Variants in SHROOM2 observed in about 807,000 individuals in gnomAD.
SHROOM2 encodes protein Shroom2.
In SHROOM2, 33 loss-of-function variants were observed where a neutral mutation model predicts 75.9. The observed-to-expected ratio is 0.43, with a 90% CI of 0.33 to 0.58. SHROOM2 has a LOEUF of 0.58. SHROOM2 is among the 20% of genes least tolerant of loss of function. The pLI is 0.04. For synonymous variants in SHROOM2, 655 were observed against 663.6 expected (o/e 0.99, Z 0.20); for missense variants, 1,434 against 1,461.2 (o/e 0.98, Z 0.30).
intron 6 of SHROOM2, among the ~76,000 whole-genome samples, chrX:9,936,041 C>G (rs919475842): frequency 1.6e-4 from 18 of 111,266 alleles, no homozygotes; most frequent in African/African-American, 5.2e-4. Flanking sequence ...CTCCTGTTCT[C>G]TCTCCCCCAG....
chrX:9,831,892 C>T (rs1173530845), intron 1 of SHROOM2, among the ~76,000 whole-genome samples: 2 of 110,302 alleles, frequency 1.8e-5, no homozygotes, highest in Non-Finnish European at 3.8e-5. Flanking sequence ...TAATCACCTC[C>T]CAAAGGCCCC....
intron 7 of SHROOM2, among the ~76,000 whole-genome samples, chrX:9,938,409 C>T (rs1269955450): frequency 9.1e-6 from 1 of 110,122 alleles, no homozygotes. Context: ...AAAAATTAGC[C>T]AGGCGTGGTG....
intron 1 of SHROOM2, among the ~76,000 whole-genome samples, chrX:9,837,059 C>A (rs2083950210): frequency 8.9e-6 from 1 of 112,629 alleles, no homozygotes; most frequent in Non-Finnish European, 1.9e-5. Context: ...CCATTCCCTT[C>A]CGGTGCCAAG....
Position 9,944,896 on chromosome X carries a change from G to A in SHROOM2, c.4567G>A (p.Ala1523Thr), listed in dbSNP as rs146420450. The A allele has an allele frequency of 4.2e-5, 50 of 1,202,056 alleles. No individual in the cohort carries two copies. Among genetic ancestry groups the A allele is most frequent in the South Asian group, 7.2e-5 (4 of 55,510 alleles). Residue 1523 changes from alanine to threonine, a missense_variant, in exon 9 of 10, where the codon GCT becomes ACT. By Grantham distance (58) the Ala-to-Thr change is moderately conservative. Coordinates refer to ENST00000380913, the MANE Select transcript of SHROOM2 (RefSeq NM_001649.4). ...TGCCCTCAATAATTTGGACGACGGC[G>A]CTTCTCCCGGTGATCGGGTAAATGC... ...ENALNNLDDGASPGDRQSLLE... is the reference protein window; with the variant it reads ...ENALNNLDDGTSPGDRQSLLE...
chrX:9,799,742 C>T (rs2083714243), intron 1 of SHROOM2, among the ~76,000 whole-genome samples: 2 of 110,396 alleles, frequency 1.8e-5, no homozygotes. Context: ...AGATAACGTG[C>T]ATCTGTTTGC....
intron 5 of SHROOM2, among the ~76,000 whole-genome samples, chrX:9,910,222 A>G (rs1423555831): frequency 1.8e-5 from 2 of 111,034 alleles, no homozygotes; most frequent in Admixed American, 9.6e-5. Flanking sequence ...GAAGGAGAAC[A>G]TTGATTAAAC....
chrX:9,915,199 C>T (rs975191351), intron 5 of SHROOM2, among the ~76,000 whole-genome samples: 1 of 111,138 alleles, frequency 9.0e-6, no homozygotes, highest in Non-Finnish European at 1.9e-5. Flanking sequence ...TTCCCAGGTC[C>T]CTTCCAGCTG....
At chrX:9,939,122 C>T in intron 7 of SHROOM2, 73 bp from the exon 8 acceptor site, 1 of 982,613 alleles carries the variant, frequency 1.0e-6, no homozygotes, top group Non-Finnish European at 1.4e-6. Context: ...TTTGTCACAA[C>T]CCAGGGGGTG....
At chrX:9,796,166 A>G (rs762745363) in intron 1 of SHROOM2, among the ~76,000 whole-genome samples, 3 of 111,628 alleles carry the variant, frequency 2.7e-5, no homozygotes, top group African/African-American at 9.8e-5. Context: ...TGATTCATTA[A>G]GAATTTGGAA....
chrX:9,914,882 G>A (rs753747324), intron 5 of SHROOM2, among the ~76,000 whole-genome samples: 1 of 111,800 alleles, frequency 8.9e-6, no homozygotes, highest in African/African-American at 3.2e-5. Flanking sequence ...GCTGAATGTA[G>A]AACTGGCCCA....
chrX:9,865,889 C>A (rs1345207642), intron 1 of SHROOM2, among the ~76,000 whole-genome samples: 1 of 109,958 alleles, frequency 9.1e-6, no homozygotes. Context: ...TTCATTTCCA[C>A]TTCTGCAGAA....
rs2084332178 is a variant in SHROOM2, at chrX:9,896,442, C to G, written c.2534C>G (p.Thr845Ser). 1 of 1,211,817 alleles carries G rather than the reference C, an allele frequency of 8.3e-7. No homozygotes were observed. Among genetic ancestry groups the G allele is most frequent in the African/African-American group, 1.7e-5 (1 of 58,079 alleles). ...TCEGTEPWSR[T>S]TSLGDSLNAH... ...GAGGGCACGGAGCCCTGGTCGCGCA[C>G]CACCTCCCTTGGGGACAGCCTCAAC... Residue 845 changes from threonine to serine, a missense_variant, in exon 4 of 10, where the codon ACC (threonine) becomes AGC (serine). Thr to Ser is a moderately conservative substitution (Grantham distance 58). Around this residue, in one of 3 missense-constraint regions of SHROOM2, gnomAD observed 1,340 missense variants for 1,338.3 expected, o/e 1.00. Transcript: ENST00000380913.
chrX:9,949,134 A>G lies in SHROOM2; in HGVS notation c.*2197A>G, dbSNP rs1343080980. 4 of 229,369 alleles carry G rather than the reference A, an allele frequency of 1.7e-5. No individual in the cohort carries two copies. Among genetic ancestry groups the G allele is most frequent in the African/African-American group, 1.2e-4 (4 of 34,642 alleles). The allele number at this position is 229,369 out of a possible 1,213,427, so 18.9% of individuals were successfully genotyped here. ...TGTCAGTTCCCCTGTTTGCCTCTGAAACGTCTGGTTAGTGGGGACCCAAAG... is the reference window on the plus strand; with the variant it reads ...TGTCAGTTCCCCTGTTTGCCTCTGAGACGTCTGGTTAGTGGGGACCCAAAG... On this transcript the variant is annotated 3_prime_UTR_variant, in exon 10 of 10. Coordinates refer to ENST00000380913, the MANE Select transcript of SHROOM2 (RefSeq NM_001649.4).
intron 1 of SHROOM2, among the ~76,000 whole-genome samples, chrX:9,790,353 T>G (rs1357789703): frequency 8.9e-6 from 1 of 112,313 alleles, no homozygotes; most frequent in Non-Finnish European, 1.9e-5. Context: ...TGCCATTATA[T>G]TGGCTCCCAA....
At chrX:9,857,867 G>C (rs1464758733) in intron 1 of SHROOM2, among the ~76,000 whole-genome samples, 1 of 110,744 alleles carries the variant, frequency 9.0e-6, no homozygotes, top group Non-Finnish European at 1.9e-5. Context: ...GGTAGTGGCT[G>C]CTCCTTCAGA....
intron 1 of SHROOM2, among the ~76,000 whole-genome samples, chrX:9,856,679 T>G (rs1414647858): frequency 8.9e-6 from 1 of 111,904 alleles, no homozygotes; most frequent in Non-Finnish European, 1.9e-5. Context: ...GCACCCCTAC[T>G]TCTGGGCAAG....
chrX:9,846,276 C>T (rs755385605), intron 1 of SHROOM2, among the ~76,000 whole-genome samples: 2 of 108,003 alleles, frequency 1.9e-5, no homozygotes, highest in Admixed American at 1.0e-4. Context: ...CATGCCACCA[C>T]GCACAGCTAA....
intron 1 of SHROOM2, chrX:9,865,477 C>T (rs1352225841): frequency 9.2e-6 from 1 of 109,142 alleles, no homozygotes; most frequent in African/African-American, 3.3e-5. Flanking sequence ...TGCTGAGCCA[C>T]TTCAGCCCAT....
chrX:9,851,600 G>C (rs1184981499), intron 1 of SHROOM2, among the ~76,000 whole-genome samples: 2 of 107,030 alleles, frequency 1.9e-5, no homozygotes, highest in African/African-American at 6.8e-5. Context: ...GGGACCACAG[G>C]TGTGCGCCAC....
Sources: gnomAD v4.1 joint callset for allele counts (sites outside exome capture counted in the v4.1 genomes callset) on GRCh38, gnomAD v4.1.1 for gene constraint, gnomAD v4.1.1 regional missense constraint, MANE v1.5 for transcripts, NCBI Gene and HGNC (gene_info 2026-07-23, HGNC 2026-07-21) for gene names.